Variants in ITGAV observed in about 807,000 individuals in gnomAD.
The protein encoded by ITGAV is integrin alpha-V.
Under a neutral mutation model 143.8 loss-of-function variants are expected in ITGAV, and 76 were observed. That is an observed-to-expected ratio of 0.53 (90% CI 0.44 to 0.64). The LOEUF is 0.64. Ranked by LOEUF, ITGAV falls within the 30% of genes least tolerant of loss-of-function variation. The pLI is 0.00. For missense variants in ITGAV, 1,193 were observed against 1,274.7 expected (o/e 0.94, Z 0.98); for synonymous variants, 453 against 446.7 (o/e 1.01, Z -0.18).
chr2:186,668,135 T>C (rs1455726642), intron 24 of ITGAV: 1 of 137,208 alleles, frequency 7.3e-6, no homozygotes, highest in Non-Finnish European at 1.5e-5. Context: ...TTCTTTGTCA[T>C]CCTTCATTAA....
intron 1 of ITGAV, among the ~76,000 whole-genome samples, chr2:186,593,882 A>G (rs905583543): frequency 5.3e-5 from 8 of 152,186 alleles, no homozygotes; most frequent in Admixed American, 3.3e-4. Flanking sequence ...AAAGAAAATA[A>G]CTGAACAATT....
At chr2:186,630,549 T>G (rs1687788989) in intron 4 of ITGAV, among the ~76,000 whole-genome samples, 2 of 152,026 alleles carry the variant, frequency 1.3e-5, no homozygotes, top group Non-Finnish European at 2.9e-5. Flanking sequence ...AATTTATCAT[T>G]TTAGTTGGTT....
chr2:186,662,206 C>G (rs1001262429), intron 18 of ITGAV, among the ~76,000 whole-genome samples: 2 of 152,146 alleles, frequency 1.3e-5, no homozygotes, highest in African/African-American at 4.8e-5. Context: ...AATTTGTTAT[C>G]TGTAAAGTCC....
chr2:186,638,420 T>C lies in ITGAV; in HGVS notation c.858T>C (p.Tyr286=), dbSNP rs1288928344. ...AARTLGMVYI[Y]DGKNMSSLYN... ...TTTTTCCTTCACAGGTTTATATTTATGATGGGAAGAACATGTCCTCCTTAT... is the reference window on the plus strand; with the variant it reads ...TTTTTCCTTCACAGGTTTATATTTACGATGGGAAGAACATGTCCTCCTTAT... Residue 286 remains tyrosine (Y), a synonymous_variant, in exon 10 of 30, where the codon TAT becomes TAC. Coordinates refer to ENST00000261023, the MANE Select transcript of ITGAV (RefSeq NM_002210.5). The C allele has an allele frequency of 1.7e-5, 28 of 1,611,872 alleles. No individual in the cohort carries two copies. Among genetic ancestry groups the C allele is most frequent in the Non-Finnish European group, 2.4e-5 (28 of 1,178,592 alleles).
chr2:186,630,745 T>C, intron 4 of ITGAV, 52 bp from the exon 5 acceptor site: 1 of 966,822 alleles, frequency 1.0e-6, no homozygotes, highest in East Asian at 2.4e-5. Flanking sequence ...CATGTTTTGT[T>C]TTGTGTTGTT....
intron 7 of ITGAV, 135 bp from the exon 8 acceptor site, chr2:186,636,930 T>A (rs981323839): frequency 9.1e-6 from 6 of 657,970 alleles, no homozygotes; most frequent in Non-Finnish European, 1.1e-5. Flanking sequence ...TATATGAATC[T>A]GTTATGACTA....
At chr2:186,614,000 G>T (rs1687287111) in intron 2 of ITGAV, among the ~76,000 whole-genome samples, 1 of 152,006 alleles carries the variant, frequency 6.6e-6, no homozygotes, top group Non-Finnish European at 1.5e-5. Flanking sequence ...GAGCTTGTGT[G>T]ATTAAAATTT....
rs978220128 is a variant in ITGAV, at chr2:186,680,310, T to C, written c.*3018T>C. The C allele has an allele frequency of 6.6e-6, 1 of 152,518 alleles. No individual in the cohort carries two copies. The highest frequency in any genetic ancestry group is 2.4e-5 in the African/African-American group (1 of 41,460). 9.4% of individuals were successfully genotyped at this position (152,518 alleles called of 1,614,324 possible). On this transcript the variant is annotated 3_prime_UTR_variant, in exon 30 of 30. Coordinates refer to ENST00000261023, the MANE Select transcript of ITGAV (RefSeq NM_002210.5). ...AGATGAAATTACTTAATACTCAGTG[T>C]TTTGGAGAGTATTCCTTTTAGTTTG... is the stretch of plus-strand genomic sequence containing the variant.
At chr2:186,637,222 C>T (rs1204506779) in intron 8 of ITGAV, 113 bp downstream of exon 8, 5 of 842,348 alleles carry the variant, frequency 5.9e-6, no homozygotes, top group Non-Finnish European at 8.0e-6. Context: ...TGGCTGCAGC[C>T]TGTAATCTCA....
intron 4 of ITGAV, among the ~76,000 whole-genome samples, chr2:186,626,785 C>A (rs1687688619): frequency 1.3e-5 from 2 of 152,166 alleles, no homozygotes; most frequent in African/African-American, 4.8e-5. Context: ...AAAGCATACA[C>A]TGCACAGGAT....
intron 12 of ITGAV, among the ~76,000 whole-genome samples, chr2:186,642,124 T>C (rs549674694): frequency 6.6e-6 from 1 of 152,358 alleles, no homozygotes; most frequent in African/African-American, 2.4e-5. Context: ...CCTATTCGTT[T>C]ATAATAGTAC....
At chr2:186,602,194 A>AT (rs200501166) in intron 2 of ITGAV, 43 bp downstream of exon 2, 99,030 of 1,419,932 alleles carry the variant, frequency 0.07, 1,462 homozygotes, top group Non-Finnish European at 0.08. Flanking sequence ...ATTTCATTTG[A>AT]TTTTTTTTTT....
At position 186,668,896 on chromosome 2, in the gene ITGAV, G is replaced by A. The variant is rs1688987324; in HGVS notation, c.2568G>A (p.Met856Ile). Residue 856 changes from methionine (M) to isoleucine (I), a missense_variant, in exon 25 of 30, where the codon ATG becomes ATA. Transcript: ENST00000261023. ...IDGPMNCTSD[M>I]EINPLRIKIS... ...GACCAATGAACTGCACTTCAGATATGGAGATCAACCCTTTGAGAATTAAGG... is the reference window on the plus strand; with the variant it reads ...GACCAATGAACTGCACTTCAGATATAGAGATCAACCCTTTGAGAATTAAGG... 6.2e-7 allele frequency: 1 copy of A among 1,610,786 alleles called. No homozygotes were observed. The highest frequency in any genetic ancestry group is 8.5e-7 in the Non-Finnish European group (1 of 1,178,754).
chr2:186,624,786 C>T (rs974364158), intron 3 of ITGAV, among the ~76,000 whole-genome samples: 4 of 151,938 alleles, frequency 2.6e-5, no homozygotes, highest in Non-Finnish European at 4.4e-5. Flanking sequence ...ATAAGTACTG[C>T]GCATTATTTT....
intron 26 of ITGAV, among the ~76,000 whole-genome samples, chr2:186,674,086 G>A (rs1207684509): frequency 1.3e-5 from 2 of 152,266 alleles, no homozygotes; most frequent in African/African-American, 4.8e-5. Context: ...CAATCCTCCT[G>A]CCTCAGCCTC....
chr2:186,625,662 GGT>G (rs55864210), intron 4 of ITGAV, 75 bp downstream of exon 4: 28 of 535,614 alleles, frequency 5.2e-5, no homozygotes, highest in Middle Eastern at 3.2e-4. Flanking sequence ...TGTGTGTGTG[GGT>G]GTGTGTGTGT....
chr2:186,599,693 TG>T (rs1349395287), intron 1 of ITGAV, among the ~76,000 whole-genome samples: 1 of 152,180 alleles, frequency 6.6e-6, no homozygotes, highest in African/African-American at 2.4e-5. Flanking sequence ...TTTGTAGAGA[TG>T]GGGGTCTTAC....
chr2:186,678,644 G>T lies in ITGAV; in HGVS notation c.*1352G>T, dbSNP rs1689276880. 2.3e-6 allele frequency: 1 copy of T among 436,272 alleles called. No individual in the cohort carries two copies. The highest frequency in any genetic ancestry group is 4.6e-6 in the Non-Finnish European group (1 of 218,986). The allele number at this position is 436,272 out of a possible 1,614,324, so 27.0% of individuals were successfully genotyped here. A position where few individuals can be genotyped will look rare whatever the true frequency, so the allele number is the denominator to read the frequency against. The stretch of plus-strand genomic sequence containing the variant: ...AGGTGGCAAGTTGTAGTTTTATATG[G>T]CTCTGTAGAGTGGTGAACCTTCTAG... On this transcript the variant is annotated 3_prime_UTR_variant, in exon 30 of 30. Transcript: ENST00000261023.
chr2:186,606,861 T>C (rs1288238952), intron 2 of ITGAV, among the ~76,000 whole-genome samples: 4 of 152,112 alleles, frequency 2.6e-5, no homozygotes, highest in African/African-American at 4.8e-5. Context: ...GCAGCCTATT[T>C]GCCAGCTTCA....
Sources: allele counts gnomAD v4.1 joint callset (sites outside exome capture counted in the v4.1 genomes callset), GRCh38; gene constraint gnomAD v4.1.1; transcripts MANE v1.5; gene names NCBI Gene and HGNC (gene_info 2026-07-23, HGNC 2026-07-21).